Variants in COL16A1 observed in about 807,000 individuals in gnomAD.
COL16A1 encodes collagen alpha-1(XVI) chain.
COL16A1 carries 189 observed loss-of-function variants against 266.3 expected under a neutral mutation model. The ratio of observed to expected loss-of-function variants is 0.71; its 90% CI spans 0.63 to 0.80. COL16A1 has a LOEUF of 0.80. COL16A1 is among the 30% of genes least tolerant of loss of function. The pLI is 0.00. For missense variants in COL16A1, 1,928 were observed against 2,122.4 expected (o/e 0.91, Z 1.80); for synonymous variants, 740 against 782.3 (o/e 0.95, Z 0.90).
At position 31,657,600 on chromosome 1, in the gene COL16A1, G is replaced by A. The variant is rs143840414; in HGVS notation, c.4021-532C>T. ...GAATAGGCGTGGTGAGACTGGGCCC[G>A]CCTGGCAGATGGGCTGACTGGAGTC... On this transcript the variant is annotated intron_variant, in intron 64 of 70. Transcript: ENST00000373672. This position sits in a 1 kb window ranked among gnomAD's most constrained non-coding sequence, Gnocchi z 6.4. The A allele has an allele frequency of 0.01, 1,590 of 153,974 alleles. 23 individuals are homozygous for A. Among genetic ancestry groups the A allele is most frequent in the African/African-American group, 0.036 (1,516 of 41,566 alleles). 9.5% of individuals were successfully genotyped at this position (153,974 alleles called of 1,614,324 possible).
intron 49 of COL16A1, among the ~76,000 whole-genome samples, chr1:31,669,317 T>C (rs1442288654): frequency 6.6e-6 from 1 of 151,484 alleles, no homozygotes. Context: ...CCTGTCCAAG[T>C]CCCCCACCCC....
chr1:31,662,683 C>CT, intron 56 of COL16A1, 25 bp from the exon 57 acceptor site: 13 of 1,045,620 alleles, frequency 1.2e-5, no homozygotes, highest in Non-Finnish European at 1.8e-5. Flanking sequence ...CGCCCCCCCC[C>CT]CCCGCCCCAC....
intron 15 of COL16A1, 37 bp downstream of exon 15, chr1:31,692,561 C>T (rs780201747): frequency 1.9e-6 from 3 of 1,614,082 alleles, no homozygotes; most frequent in East Asian, 2.2e-5. Context: ...GGGCCCTGGA[C>T]CCACCATCCC....
chr1:31,690,625 G>C (rs373675211), intron 20 of COL16A1, 52 bp from the exon 21 acceptor site: 2 of 1,598,876 alleles, frequency 1.3e-6, no homozygotes, highest in Non-Finnish European at 8.5e-7. Flanking sequence ...ATGCAATCTC[G>C]GTGCGTTCCC....
chr1:31,665,067 G>A (rs1642010329), intron 56 of COL16A1, 105 bp downstream of exon 56: 3 of 1,507,922 alleles, frequency 2.0e-6, no homozygotes, highest in Non-Finnish European at 2.7e-6. Flanking sequence ...AGTGCAACTG[G>A]GTCAGTCTTG....
intron 42 of COL16A1, among the ~76,000 whole-genome samples, chr1:31,677,441 T>C (rs1047960620): frequency 5.3e-5 from 8 of 152,234 alleles, no homozygotes; most frequent in Admixed American, 3.3e-4. Flanking sequence ...TGCTCCCCTC[T>C]CCAGGGCCAG....
intron 14 of COL16A1, 50 bp downstream of exon 14, chr1:31,692,716 AG>A (rs769320980): frequency 8.6e-5 from 139 of 1,612,780 alleles, no homozygotes; most frequent in Non-Finnish European, 1.2e-4. Context: ...GTCCCTCCCC[AG>A]GGGCTGGCCC....
chr1:31,683,987 G>C lies in COL16A1; in HGVS notation c.2300C>G (p.Pro767Arg), dbSNP rs1479372440. 6.2e-7 allele frequency: 1 copy of C among 1,614,198 alleles called. No individual in the cohort carries two copies. The highest frequency in any genetic ancestry group is 8.5e-7 in the Non-Finnish European group (1 of 1,180,016). Reference protein sequence around the residue: ...RPGKPGQPGLPGVQGPPGLKG... With the variant: ...RPGKPGQPGLRGVQGPPGLKG... ...CAGTCCTGGGGGCCCTTGAACTCCT[G>C]GTAGACCGGGTTGGCCCTAAAAGGC... The change falls in exon 33 of 71, where the codon CCA becomes CGA. Residue 767 changes from proline (P) to arginine (R), a missense_variant. By Grantham distance (103) the Pro-to-Arg change is moderately radical (BLOSUM62 -2). Coordinates refer to ENST00000373672, the MANE Select transcript of COL16A1 (RefSeq NM_001856.4).
At chr1:31,678,044 G>C (rs1027733907) in intron 42 of COL16A1, among the ~76,000 whole-genome samples, 6 of 152,174 alleles carry the variant, frequency 3.9e-5, no homozygotes, top group African/African-American at 1.4e-4. Flanking sequence ...CTCGGCAAAT[G>C]TGTGGCTGCA....
In COL16A1 at chr1:31,683,123, T is replaced by C. The variant is rs1643764145; in HGVS notation, c.2469+71A>G. ...TCTGATAGGCATCACTTGGCCCCCA[T>C]GTCCCCTGTGCCTGCTTCTGGGACA... On this transcript the variant is annotated intron_variant, in intron 36 of 70. Coordinates refer to ENST00000373672, the MANE Select transcript of COL16A1 (RefSeq NM_001856.4). 18 of 1,611,036 alleles carry C rather than the reference T, an allele frequency of 1.1e-5. No homozygotes were observed. The South Asian group carries it at 2.0e-4, about 18-fold the overall frequency.
intron 12 of COL16A1, 109 bp from the exon 13 acceptor site, chr1:31,693,263 C>A: frequency 1.4e-6 from 1 of 720,682 alleles, no homozygotes; most frequent in Non-Finnish European, 2.5e-6. Flanking sequence ...CACACGGGTA[C>A]GCAAATACGC....
intron 26 of COL16A1, 35 bp from the exon 27 acceptor site, chr1:31,686,314 G>T: frequency 6.2e-7 from 1 of 1,614,142 alleles, no homozygotes; most frequent in South Asian, 1.1e-5. Context: ...ATTAAAGAGG[G>T]GATGGAGTCT....
intron 43 of COL16A1, 21 bp from the exon 44 acceptor site, chr1:31,675,060 G>A: frequency 6.2e-7 from 1 of 1,613,142 alleles, no homozygotes; most frequent in Non-Finnish European, 8.5e-7. Flanking sequence ...CAGATGTGTG[G>A]GCTCAAGCAG....
intron 8 of COL16A1, 86 bp downstream of exon 8, chr1:31,696,877 C>T (rs1570591161): frequency 1.3e-6 from 2 of 1,589,146 alleles, no homozygotes; most frequent in Non-Finnish European, 1.7e-6. Flanking sequence ...GCCAACTGAC[C>T]CTGGTGGCAG....
chr1:31,668,429 G>C lies in COL16A1; in HGVS notation c.3250-211C>G, dbSNP rs1642336212. Among the ~76,000 whole-genome samples, 1 of 152,134 alleles carries C rather than the reference G, an allele frequency of 6.6e-6. No homozygotes were observed. Among genetic ancestry groups the C allele is most frequent in the Non-Finnish European group, 1.5e-5 (1 of 68,002 alleles). On this transcript the variant is annotated intron_variant, in intron 50 of 70. Transcript: ENST00000373672. The surrounding 1 kb of genome is among the most constrained non-coding windows in gnomAD (Gnocchi z 5.8). ...ACCTGGGCTGGGGAGGCGAACCCCA[G>C]CCTGGCCCAGACCCTGAGAGCTGAG...
chr1:31,690,612 C>A, intron 20 of COL16A1, 39 bp from the exon 21 acceptor site: 1 of 1,609,328 alleles, frequency 6.2e-7, no homozygotes, highest in Non-Finnish European at 8.5e-7. Context: ...AGCCTTCTGG[C>A]CAATGCAATC....
Position 31,675,022 on chromosome 1 carries a change from T to A in COL16A1, c.2844A>T (p.Glu948Asp), listed in dbSNP as rs369181016. 203 of 1,612,920 alleles carry A rather than the reference T, an allele frequency of 1.3e-4. No individual in the cohort carries two copies. Among genetic ancestry groups the A allele is most frequent in the Non-Finnish European group, 1.5e-4 (176 of 1,179,548 alleles). Reference protein sequence around the residue: ...LTAELGSLPIEQHLLKSICGD... With the variant: ...LTAELGSLPIDQHLLKSICGD... ...ACCCTCTTACCTTAAGGAGGTGCTGTTCAATTGGTAAGGATCCCTGCAAGA... is the reference window on the plus strand; with the variant it reads ...ACCCTCTTACCTTAAGGAGGTGCTGATCAATTGGTAAGGATCCCTGCAAGA... Residue 948 changes from glutamate to aspartate, a missense_variant, in exon 44 of 71, where the codon GAA becomes GAT. By Grantham distance (45) the Glu-to-Asp change is conservative. Around this residue, in one of 2 missense-constraint regions of COL16A1, gnomAD observed 1,552 missense variants for 1,637.2 expected, o/e 0.95. Transcript: ENST00000373672.
In COL16A1 at chr1:31,653,928, C is replaced by G; in HGVS notation, c.4473G>C (p.Gly1491=). Residue 1491 remains glycine, a synonymous_variant, in exon 69 of 71, where the codon GGG becomes GGC. Transcript: ENST00000373672. ...DGAPGRPGAP[G]SPGLPGQIGR... ...CAATCTGACCAGGGAGCCCAGGTGA[C>G]CCTGGAGCACCTGGCCTGCCCGGAG... 6.2e-7 allele frequency: 1 copy of G among 1,614,156 alleles called. No individual in the cohort carries two copies. Among genetic ancestry groups the G allele is most frequent in the Non-Finnish European group, 8.5e-7 (1 of 1,180,016 alleles).
intron 11 of COL16A1, 31 bp downstream of exon 11, chr1:31,695,155 G>A (rs368948131): frequency 1.6e-5 from 25 of 1,612,104 alleles, no homozygotes; most frequent in Middle Eastern, 1.6e-4. Flanking sequence ...GCTCTTGCCC[G>A]CTCCACCCTG....
Sources: gnomAD v4.1 joint callset for allele counts (sites outside exome capture counted in the v4.1 genomes callset) on GRCh38, gnomAD v4.1.1 for gene constraint, gnomAD v4.1.1 regional missense constraint, Gnocchi (gnomAD v3.1) non-coding constraint, MANE v1.5 for transcripts, NCBI Gene and HGNC (gene_info 2026-07-23, HGNC 2026-07-21) for gene names.